The following GRK5 variants were observed in gnomAD, a reference collection of about 807,000 sequenced individuals.
GRK5 encodes g protein-coupled receptor kinase GRK5.
A neutral mutation model predicts 78.4 loss-of-function variants in GRK5; 40 were observed. The ratio of observed to expected loss-of-function variants is 0.51; its 90% CI spans 0.40 to 0.66. The LOEUF (loss-of-function observed/expected upper bound fraction) is 0.66. Ranked by LOEUF, GRK5 falls within the 30% of genes least tolerant of loss-of-function variation. The pLI, the probability that GRK5 is intolerant of heterozygous loss-of-function variation, is 0.00. For missense variants in GRK5, 598 were observed against 759.9 expected, an observed-to-expected ratio of 0.79 and a Z score of 2.50; for synonymous variants, 289 against 296.8, an observed-to-expected ratio of 0.97 and a Z score of 0.27.
chr10:119,261,086 T>C (rs1168128503), intron 1 of GRK5, among the ~76,000 whole-genome samples: 11 of 80,182 alleles, frequency 1.4e-4, no homozygotes, highest in Admixed American at 2.8e-4. Flanking sequence ...GCGGAGACGC[T>C]CCTCACTTCC....
chr10:119,308,662 C>T (rs555849527), intron 1 of GRK5, among the ~76,000 whole-genome samples: 136 of 152,362 alleles, frequency 8.9e-4, no homozygotes, highest in African/African-American at 2.9e-3. Flanking sequence ...CTGTGCCACG[C>T]GGTGGGGGAG....
chr10:119,341,705 T>C (rs1270020470), intron 2 of GRK5, among the ~76,000 whole-genome samples: 1 of 152,136 alleles, frequency 6.6e-6, no homozygotes, highest in Non-Finnish European at 1.5e-5. Flanking sequence ...GCACCCAGCA[T>C]GAGTGTCTAC....
chr10:119,218,611 C>T (rs1848612560), intron 1 of GRK5, among the ~76,000 whole-genome samples: 1 of 152,018 alleles, frequency 6.6e-6, no homozygotes, highest in African/African-American at 2.4e-5. Context: ...AGATAACATC[C>T]CAGGAGAAGG....
intron 2 of GRK5, among the ~76,000 whole-genome samples, chr10:119,371,435 T>C (rs903454325): frequency 6.6e-6 from 1 of 152,262 alleles, no homozygotes; most frequent in African/African-American, 2.4e-5. Flanking sequence ...TCGAAAAGAA[T>C]GAAAACAGTG....
intron 1 of GRK5, among the ~76,000 whole-genome samples, chr10:119,273,950 T>G (rs1849626471): frequency 6.6e-6 from 1 of 152,142 alleles, no homozygotes; most frequent in South Asian, 2.1e-4. Context: ...ATTTTTGTAT[T>G]TTTAGTAGAG....
At chr10:119,322,911 T>C (rs896932997) in intron 1 of GRK5, among the ~76,000 whole-genome samples, 2 of 152,260 alleles carry the variant, frequency 1.3e-5, no homozygotes, top group Admixed American at 6.5e-5. Flanking sequence ...CCCATGTGTC[T>C]ATCCACAAAT....
At chr10:119,274,341 T>A (rs1849633602) in intron 1 of GRK5, among the ~76,000 whole-genome samples, 1 of 152,296 alleles carries the variant, frequency 6.6e-6, no homozygotes, top group South Asian at 2.1e-4. Flanking sequence ...TAGCGACTGA[T>A]AAGTGTTCAG....
intron 4 of GRK5, among the ~76,000 whole-genome samples, chr10:119,402,550 T>C (rs1474434065): frequency 5.3e-5 from 8 of 152,226 alleles, no homozygotes; most frequent in Non-Finnish European, 2.9e-5. Context: ...TACAGATGAC[T>C]TTTTGAAATA....
At chr10:119,252,030 C>T (rs895335264) in intron 1 of GRK5, among the ~76,000 whole-genome samples, 2 of 152,210 alleles carry the variant, frequency 1.3e-5, no homozygotes, top group Non-Finnish European at 2.9e-5. Flanking sequence ...ACAGATGTGC[C>T]AAGTACAATT....
intron 2 of GRK5, among the ~76,000 whole-genome samples, chr10:119,353,932 C>CTTTTTTT (rs761463283): frequency 7.4e-5 from 8 of 108,734 alleles, no homozygotes; most frequent in East Asian, 2.7e-4. Context: ...TTTTTTCTTT[C>CTTTTTTT]TTTTTTTTTT....
At chr10:119,428,489 G>A (rs928112708) in intron 6 of GRK5, among the ~76,000 whole-genome samples, 2 of 152,230 alleles carry the variant, frequency 1.3e-5, no homozygotes, top group African/African-American at 4.8e-5. Flanking sequence ...TCCACTGGAT[G>A]TAAGGCCTTC....
chr10:119,414,314 A>G (rs932503466), intron 4 of GRK5, among the ~76,000 whole-genome samples: 1 of 152,238 alleles, frequency 6.6e-6, no homozygotes, highest in Admixed American at 6.5e-5. Context: ...ATGGCTAATG[A>G]GCGCGGAGCT....
At chr10:119,417,972 C>T (rs1852495982) in intron 4 of GRK5, among the ~76,000 whole-genome samples, 1 of 152,188 alleles carries the variant, frequency 6.6e-6, no homozygotes, top group Non-Finnish European at 1.5e-5. Context: ...CCCGGATCCC[C>T]AGAACCAGTG....
chr10:119,342,567 C>T (rs1851002276), intron 2 of GRK5, among the ~76,000 whole-genome samples: 2 of 152,152 alleles, frequency 1.3e-5, no homozygotes, highest in African/African-American at 4.8e-5. Context: ...TCCTCACAGC[C>T]GTTCATCATC....
At chr10:119,275,372 C>T (rs1450540843) in intron 1 of GRK5, among the ~76,000 whole-genome samples, 1 of 152,170 alleles carries the variant, frequency 6.6e-6, no homozygotes, top group Non-Finnish European at 1.5e-5. Context: ...GGCTTGGATA[C>T]CGGGCCTCCA....
chr10:119,406,582 C>T lies in GRK5; in HGVS notation c.339+9810C>T, dbSNP rs982265812. 15 of 532,566 alleles carry T rather than the reference C, an allele frequency of 2.8e-5. No individual in the cohort carries two copies. The East Asian group carries it at 4.4e-4, about 16-fold the overall frequency. The allele number at this position is 532,566 out of a possible 1,614,324, so 33.0% of individuals were successfully genotyped here. A position where few individuals can be genotyped will look rare whatever the true frequency, so the allele number is the denominator to read the frequency against. The stretch of plus-strand genomic sequence containing the variant: ...TGCCCGGCCCTCATTTCCCAGTCCC[C>T]GGAACAGGTCATCCTGTTGTCAATT... On this transcript the variant is annotated intron_variant, in intron 4 of 15. Coordinates refer to ENST00000392870, the MANE Select transcript of GRK5 (RefSeq NM_005308.3).
intron 15 of GRK5, among the ~76,000 whole-genome samples, chr10:119,454,232 G>A (rs964685218): frequency 6.6e-6 from 1 of 152,190 alleles, no homozygotes; most frequent in Admixed American, 6.5e-5. Flanking sequence ...AACACCCTGG[G>A]TCCTAGAAAA....
chr10:119,293,135 G>T (rs370273965), intron 1 of GRK5, among the ~76,000 whole-genome samples: 1 of 152,220 alleles, frequency 6.6e-6, no homozygotes, highest in East Asian at 1.9e-4. Context: ...TTAAGGTTAT[G>T]CAGCCAGGAA....
intron 2 of GRK5, among the ~76,000 whole-genome samples, chr10:119,345,132 C>T (rs1282078956): frequency 6.6e-6 from 1 of 152,016 alleles, no homozygotes; most frequent in Non-Finnish European, 1.5e-5. Context: ...CCACGCCTGG[C>T]TACTTTTTTG....
Sources: allele counts gnomAD v4.1 joint callset (sites outside exome capture counted in the v4.1 genomes callset), GRCh38; gene constraint gnomAD v4.1.1; transcripts MANE v1.5; gene names NCBI Gene and HGNC (gene_info 2026-07-23, HGNC 2026-07-21).